KLF12: variants seen among roughly 807,000 people sequenced by gnomAD.
The protein encoded by KLF12 is Krueppel-like factor 12.
Under a neutral mutation model 37.8 loss-of-function variants are expected in KLF12, and 9 were observed. The observed-to-expected ratio is 0.24, with a 90% CI of 0.14 to 0.42. The LOEUF (loss-of-function observed/expected upper bound fraction) is 0.42. Ranked by LOEUF, KLF12 falls within the 10% of genes least tolerant of loss-of-function variation. The probability of loss-of-function intolerance (pLI) is 1.00; values close to 1 mark genes in which losing one functional copy is unlikely to be tolerated. For synonymous variants in KLF12, 208 were observed against 202.1 expected (o/e 1.03, Z -0.25); for missense variants, 411 against 516.0 (o/e 0.80, Z 1.97).
chr13:73,708,422 T>A (rs899441647), intron 7 of KLF12, among the ~76,000 whole-genome samples: 1 of 152,222 alleles, frequency 6.6e-6, no homozygotes, highest in Non-Finnish European at 1.5e-5. Flanking sequence ...TTATTTTGCC[T>A]TTTAAAAAAT....
At chr13:73,706,984 C>T (rs1394309422) in intron 7 of KLF12, among the ~76,000 whole-genome samples, 2 of 152,128 alleles carry the variant, frequency 1.3e-5, no homozygotes, top group African/African-American at 4.8e-5. Flanking sequence ...TTAATTAAAG[C>T]CTTAAAAACA....
At chr13:74,190,136 C>G in the KLF12 span, among the ~76,000 whole-genome samples, 1 of 152,058 alleles carries the variant, frequency 6.6e-6, no homozygotes, top group African/African-American at 2.4e-5. Flanking sequence ...AAAGTATGTA[C>G]ATTAGTAATT....
chr13:74,221,025 A>T, the KLF12 span, among the ~76,000 whole-genome samples: 3 of 146,308 alleles, frequency 2.1e-5, no homozygotes, highest in African/African-American at 7.6e-5. Context: ...TTTTTTTGAG[A>T]CAGAGTCTGG....
intron 1 of KLF12, among the ~76,000 whole-genome samples, chr13:74,032,466 G>A (rs2138491125): frequency 6.6e-6 from 1 of 152,182 alleles, no homozygotes; most frequent in South Asian, 2.1e-4. Context: ...ACATTTCCAA[G>A]CTGCTCATTC....
intron 2 of KLF12, among the ~76,000 whole-genome samples, chr13:73,944,563 A>G (rs1890335919): frequency 6.6e-6 from 1 of 152,226 alleles, no homozygotes; most frequent in Admixed American, 6.5e-5. Context: ...TGTCATGGCA[A>G]TTCTGGTCAA....
chr13:73,976,854 G>A (rs886348120), intron 2 of KLF12, among the ~76,000 whole-genome samples: 2 of 151,994 alleles, frequency 1.3e-5, no homozygotes, highest in African/African-American at 2.4e-5. Context: ...AGTTCAAAAC[G>A]TTATGAAGTC....
chr13:73,922,218 CT>C (rs893757496), intron 3 of KLF12, among the ~76,000 whole-genome samples: 1 of 152,034 alleles, frequency 6.6e-6, no homozygotes, highest in African/African-American at 2.4e-5. Context: ...TATTCTTGCC[CT>C]TTGCCTTAAA....
At chr13:74,009,158 T>C (rs557053783) in intron 1 of KLF12, among the ~76,000 whole-genome samples, 2 of 152,334 alleles carry the variant, frequency 1.3e-5, no homozygotes, top group East Asian at 1.9e-4. Context: ...TAACAGTTTA[T>C]CTGTGACTGT....
chr13:73,982,215 G>GTTATTTTATT (rs1891705002), intron 2 of KLF12, among the ~76,000 whole-genome samples: 1 of 152,168 alleles, frequency 6.6e-6, no homozygotes, highest in Non-Finnish European at 1.5e-5. Context: ...AACAGAAGCA[G>GTTATTTTATT]TTATTTTATT....
upstream of KLF12, among the ~76,000 whole-genome samples, chr13:74,137,786 G>C (rs1415708743): frequency 6.6e-6 from 1 of 152,042 alleles, no homozygotes; most frequent in African/African-American, 2.4e-5. Flanking sequence ...TTGAGACGAA[G>C]TTTCGCTCTT....
At chr13:73,738,118 T>C (rs1359295138) in intron 6 of KLF12, among the ~76,000 whole-genome samples, 104 of 65,190 alleles carry the variant, frequency 1.6e-3, no homozygotes, top group African/African-American at 6.5e-3. Flanking sequence ...TATATATATA[T>C]ATATATACAC....
chr13:73,875,054 C>T (rs1350449190), intron 3 of KLF12, among the ~76,000 whole-genome samples: 1 of 151,766 alleles, frequency 6.6e-6, no homozygotes. Context: ...TTTCATATAT[C>T]ATGTGCAAAA....
chr13:73,963,291 A>G (rs1350440881), intron 2 of KLF12, among the ~76,000 whole-genome samples: 1 of 52,366 alleles, frequency 1.9e-5, no homozygotes, highest in Non-Finnish European at 3.9e-5. Context: ...TTATACACAC[A>G]CACACACACA....
the KLF12 span, among the ~76,000 whole-genome samples, chr13:74,250,603 G>A: frequency 3.9e-5 from 6 of 152,112 alleles, no homozygotes; most frequent in Non-Finnish European, 7.4e-5. Flanking sequence ...GCTTAACCCC[G>A]TTCCTGGTAA....
chr13:74,090,969 C>T (rs1431932568), intron 1 of KLF12, among the ~76,000 whole-genome samples: 2 of 150,888 alleles, frequency 1.3e-5, no homozygotes, highest in Non-Finnish European at 2.9e-5. Flanking sequence ...TCATACTCTT[C>T]CATTTCGAAA....
chr13:74,133,105 C>G lies in KLF12; in HGVS notation c.-32+634G>C, dbSNP rs193185116. Among the ~76,000 whole-genome samples, 13 of 152,316 alleles carry G rather than the reference C, an allele frequency of 8.5e-5. No homozygotes were observed. In the East Asian group the frequency reaches 2.5e-3, roughly 29 times the overall value. ...CCAGCCCCTGGCTACTTGCATGGAC[C>G]AGGCACTGTAGCAAGTGACAGTTAC... is the stretch of plus-strand genomic sequence containing the variant. On this transcript the variant is annotated intron_variant, in intron 1 of 7. Coordinates refer to ENST00000377669, the MANE Select transcript of KLF12 (RefSeq NM_007249.5).
chr13:74,011,260 C>T (rs569075065), intron 1 of KLF12, among the ~76,000 whole-genome samples: 1 of 147,596 alleles, frequency 6.8e-6, no homozygotes, highest in Non-Finnish European at 1.5e-5. Context: ...AAAAAAAAGC[C>T]ATGGAATTAT....
In KLF12 at chr13:74,126,815, C is replaced by T. The variant is rs145691108; in HGVS notation, c.-32+6924G>A. Among the ~76,000 whole-genome samples the T allele has an allele frequency of 1.8e-3, 277 of 152,216 alleles. 1 individual carries two copies. The highest frequency in any genetic ancestry group is 6.0e-3 in the African/African-American group (250 of 41,530). On this transcript the variant is annotated intron_variant, in intron 1 of 7. Coordinates refer to ENST00000377669, the MANE Select transcript of KLF12 (RefSeq NM_007249.5). ...TATAAATGGCATTTCAGAGGTGACA[C>T]GTATAGTATTCCATGTGCCAGTTAT... is the stretch of plus-strand genomic sequence containing the variant.
chr13:73,733,833 T>G (rs1041230304), intron 6 of KLF12, among the ~76,000 whole-genome samples: 1 of 152,204 alleles, frequency 6.6e-6, no homozygotes, highest in African/African-American at 2.4e-5. Context: ...GTTAGTTTCC[T>G]CTTTATTAAT....
Sources: allele counts gnomAD v4.1 joint callset (sites outside exome capture counted in the v4.1 genomes callset), GRCh38; gene constraint gnomAD v4.1.1; transcripts MANE v1.5; gene names NCBI Gene and HGNC (gene_info 2026-07-23, HGNC 2026-07-21).